Variants in TMEM165 observed in about 807,000 individuals in gnomAD.
TMEM165 encodes the protein transmembrane protein 165.
TMEM165 carries 19 observed loss-of-function variants against 30.0 expected under a neutral mutation model. That is an observed-to-expected ratio of 0.63 (90% CI 0.44 to 0.93). The LOEUF is 0.93. TMEM165 is among the 40% of genes least tolerant of loss of function. The pLI is 0.00. For missense variants in TMEM165, 340 were observed against 417.0 expected (o/e 0.82, Z 1.61); for synonymous variants, 168 against 162.9 (o/e 1.03, Z -0.24).
Position 55,396,299 on chromosome 4 carries a change from A to G in TMEM165, c.110A>G (p.Glu37Gly). Residue 37 changes from glutamate to glycine, a missense_variant, in exon 1 of 6, where the codon GAA (glutamate) becomes GGA (glycine). Physicochemically the swap from Glu to Gly is moderately conservative, Grantham distance 98. Coordinates refer to ENST00000381334, the MANE Select transcript of TMEM165 (RefSeq NM_018475.5). ...APAAVRAGPD[E>G]DLSHRNKEPP... ...GCTGCGGTCCGGGCCGGCCCAGATG[A>G]AGACCTTAGCCACCGGAACAAAGAA... 1 of 1,531,456 alleles carries G rather than the reference A, an allele frequency of 6.5e-7. No homozygotes were observed. Among genetic ancestry groups the G allele is most frequent in the Non-Finnish European group, 8.7e-7 (1 of 1,144,498 alleles). 94.9% of individuals were successfully genotyped at this position (1,531,456 alleles called of 1,614,324 possible).
chr4:55,396,224 C>G lies in TMEM165; in HGVS notation c.35C>G (p.Ser12Trp), dbSNP rs1187840985. 2.7e-6 allele frequency: 4 copies of G among 1,459,368 alleles called. No individual in the cohort carries two copies. The highest frequency in any genetic ancestry group is 3.6e-6 in the Non-Finnish European group (4 of 1,109,704). 90.4% of individuals were successfully genotyped at this position (1,459,368 alleles called of 1,614,324 possible). Reference protein sequence around the residue: ...AAAAPGNGRASAPRLLLLFLV... With the variant: ...AAAAPGNGRAWAPRLLLLFLV... ...GCGGCTCCAGGGAACGGCCGCGCATCGGCGCCCCGGCTGCTTCTGCTCTTT... is the reference window on the plus strand; with the variant it reads ...GCGGCTCCAGGGAACGGCCGCGCATGGGCGCCCCGGCTGCTTCTGCTCTTT... The change falls in exon 1 of 6, where the codon TCG becomes TGG. Residue 12 changes from serine to tryptophan, a missense_variant. Physicochemically the swap from Ser to Trp is radical, Grantham distance 177. Coordinates refer to ENST00000381334, the MANE Select transcript of TMEM165 (RefSeq NM_018475.5).
intron 1 of TMEM165, among the ~76,000 whole-genome samples, chr4:55,406,130 A>G (rs767883073): frequency 1.1e-4 from 16 of 152,190 alleles, no homozygotes; most frequent in Admixed American, 2.0e-4. Context: ...GTAGCCCTAC[A>G]GCTATTAACT....
In TMEM165 at chr4:55,452,992, TGA is replaced by T. The variant is rs983508159; in HGVS notation, c.*688_*689del. ...GAAAAATAGTTTTCCTATTAATTAT[TGA>T]GTTTCATCTTTTATTGGGGAGAAAT... On this transcript the variant is annotated 3_prime_UTR_variant, in exon 4 of 4. Coordinates refer to the TMEM165 transcript ENST00000608091. 3.1e-5 allele frequency: 36 copies of T among 1,151,294 alleles called. 1 individual carries two copies. The Admixed American group carries it at 7.1e-4, about 23-fold the overall frequency. The allele number at this position is 1,151,294 out of a possible 1,614,324, so 71.3% of individuals were successfully genotyped here.
rs539251374 is a variant in TMEM165 at position 55,404,657 on chromosome 4, C to T, written c.208-6957C>T. Among the ~76,000 whole-genome samples, 4 of 151,318 alleles carry T rather than the reference C, an allele frequency of 2.6e-5. No homozygotes were observed. The South Asian group carries it at 6.3e-4, about 24-fold the overall frequency. On this transcript the variant is annotated intron_variant, in intron 1 of 5. Coordinates refer to ENST00000381334, the MANE Select transcript of TMEM165 (RefSeq NM_018475.5). ...CTCACTATGTTGCCCAGGCTGGCCT[C>T]GAACTCTTGGCCTCAAGCAGTCCTC...
At chr4:55,448,599 C>CGTGT (rs1328426824) in intron 3 of TMEM165, among the ~76,000 whole-genome samples, 41 of 105,664 alleles carry the variant, frequency 3.9e-4, no homozygotes, top group Admixed American at 5.9e-4. Flanking sequence ...CGCGCACGCG[C>CGTGT]GCGTGTGTGT....
intron 3 of TMEM165, chr4:55,444,534 G>T (rs764025222): frequency 6.5e-6 from 9 of 1,378,650 alleles, no homozygotes; most frequent in African/African-American, 1.4e-5. Flanking sequence ...TTGATAAAAC[G>T]TATCTCTTGC....
chr4:55,436,893 T>TGCCAGCCACCA (rs1722919976), intron 3 of TMEM165, among the ~76,000 whole-genome samples: 1 of 19,034 alleles, frequency 5.3e-5, no homozygotes, highest in Non-Finnish European at 1.0e-4. Flanking sequence ...TTGGGATGCC[T>TGCCAGCCACCA]TTTTTTTTTT....
chr4:55,401,422 A>G lies in TMEM165; in HGVS notation c.207+5026A>G, dbSNP rs77008311. On this transcript the variant is annotated intron_variant, in intron 1 of 5. Coordinates refer to ENST00000381334, the MANE Select transcript of TMEM165 (RefSeq NM_018475.5). ...AGTCCTTTGAGTTGAGGGAGATCAG[A>G]TAGATTTAATAAAAGTCATTTAGAC... Among the ~76,000 whole-genome samples, 145 of 150,774 alleles carry G rather than the reference A, an allele frequency of 9.6e-4. 10 individuals carry two copies. Among genetic ancestry groups the G allele is most frequent in the African/African-American group, 3.2e-3 (130 of 40,102 alleles).
chr4:55,396,112 A>G lies in TMEM165; in HGVS notation c.-78A>G, dbSNP rs1029130966. ...GGCGAGTCGTGAGGACGCGCCGCGG[A>G]GGCTGTTCGGGGTCGAGGCTTCCCG... On this transcript the variant is annotated 5_prime_UTR_variant, in exon 1 of 6. Coordinates refer to ENST00000381334, the MANE Select transcript of TMEM165 (RefSeq NM_018475.5). 4.8e-5 allele frequency: 58 copies of G among 1,205,512 alleles called. No homozygotes were observed. The highest frequency in any genetic ancestry group is 5.6e-5 in the Non-Finnish European group (53 of 948,556). 74.7% of individuals were successfully genotyped at this position (1,205,512 alleles called of 1,614,324 possible).
chr4:55,426,530 A>G (rs1722207384), downstream of TMEM165, among the ~76,000 whole-genome samples: 1 of 152,194 alleles, frequency 6.6e-6, no homozygotes. Context: ...TACTTCACCC[A>G]AGTAGCATAA....
chr4:55,396,126 C>T lies in TMEM165; in HGVS notation c.-64C>T. On this transcript the variant is annotated 5_prime_UTR_variant, in exon 1 of 6. Transcript: ENST00000381334. ...ACGCGCCGCGGAGGCTGTTCGGGGT[C>T]GAGGCTTCCCGTCGCCGGCACTTCC... 1.6e-6 allele frequency: 2 copies of T among 1,285,466 alleles called. No individual in the cohort carries two copies. The highest frequency in any genetic ancestry group is 3.1e-5 in the African/African-American group (2 of 63,536). 79.6% of individuals were successfully genotyped at this position (1,285,466 alleles called of 1,614,324 possible). A position where few individuals can be genotyped will look rare whatever the true frequency, so the allele number is the denominator to read the frequency against.
chr4:55,425,115 C>G (rs188547896), intron 5 of TMEM165, among the ~76,000 whole-genome samples: 44 of 152,284 alleles, frequency 2.9e-4, no homozygotes, highest in Admixed American at 1.2e-3. Flanking sequence ...CTGTTGCTTG[C>G]CAGCACTGTC....
At chr4:55,424,819 T>C (rs1244113936) in intron 5 of TMEM165, 176 bp downstream of exon 5, 1 of 540,388 alleles carries the variant, frequency 1.9e-6, no homozygotes, top group Non-Finnish European at 3.2e-6. Flanking sequence ...TTTTCACCTG[T>C]GTAGAAGTTA....
At chr4:55,431,613 T>G (rs1229515455) in intron 3 of TMEM165, 1 of 152,232 alleles carries the variant, frequency 6.6e-6, no homozygotes. Flanking sequence ...CAGGGACTCC[T>G]GTGGGACTAA....
At chr4:55,448,435 T>C (rs1043595080) in intron 3 of TMEM165, among the ~76,000 whole-genome samples, 1 of 152,210 alleles carries the variant, frequency 6.6e-6, no homozygotes, top group African/African-American at 2.4e-5. Context: ...AAGACTCTTA[T>C]GCATCCTGAA....
At chr4:55,423,023 T>G (rs1321439245) in intron 4 of TMEM165, 1 of 152,144 alleles carries the variant, frequency 6.6e-6, no homozygotes, top group Non-Finnish European at 1.5e-5. Context: ...TAACTCACTG[T>G]AGCTTCAAAC....
At chr4:55,450,335 A>G (rs1351240458) in intron 3 of TMEM165, 4 of 1,373,958 alleles carry the variant, frequency 2.9e-6, no homozygotes, top group Non-Finnish European at 4.1e-6. Flanking sequence ...TTTGTCTATA[A>G]CAAGGCAAAA....
At chr4:55,447,095 G>C (rs1723923212) in intron 3 of TMEM165, among the ~76,000 whole-genome samples, 1 of 151,280 alleles carries the variant, frequency 6.6e-6, no homozygotes, top group Admixed American at 6.6e-5. Flanking sequence ...GGCCGGGCAT[G>C]GTGGCTCACA....
At chr4:55,438,395 T>A in intron 3 of TMEM165, 2 of 1,613,944 alleles carry the variant, frequency 1.2e-6, no homozygotes, top group Non-Finnish European at 1.7e-6. Context: ...ACTGACAATG[T>A]CTGTGACTGT....
Sources: allele counts gnomAD v4.1 joint callset (sites outside exome capture counted in the v4.1 genomes callset), GRCh38; gene constraint gnomAD v4.1.1; transcripts MANE v1.5; gene names NCBI Gene and HGNC (gene_info 2026-07-23, HGNC 2026-07-21).